The following GAS2 variants were observed in gnomAD, a reference collection of about 807,000 sequenced individuals.
GAS2 encodes the protein growth arrest specific 2, also known as growth arrest-specific protein 2.
Under a neutral mutation model 37.5 loss-of-function variants are expected in GAS2, and 20 were observed. The ratio of observed to expected loss-of-function variants is 0.53; its 90% confidence interval spans 0.37 to 0.77. The LOEUF (loss-of-function observed/expected upper bound fraction) is 0.77, where lower values mean the gene tolerates loss of function less well. Ranked by LOEUF, GAS2 falls within the 30% of genes least tolerant of loss-of-function variation. The pLI, the probability that GAS2 is intolerant of heterozygous loss-of-function variation, is 0.00. For missense variants in GAS2, 336 were observed against 373.4 expected (o/e 0.90, Z 0.82); for synonymous variants, 144 against 132.2 (o/e 1.09, Z -0.61).
At position 22,735,818 on chromosome 11, in the gene GAS2, T is replaced by C. The variant is rs910736561; in HGVS notation, c.410-1887T>C. On this transcript the variant is annotated intron_variant, in intron 4 of 7. Coordinates refer to ENST00000454584, the MANE Select transcript of GAS2 (RefSeq NM_001143830.3). ...TCAGTTAACTAATAGTTTTTATATT[T>C]TGACACTCTTGTCATCAAGAAATGC... is the stretch of plus-strand genomic sequence containing the variant. Among the ~76,000 whole-genome samples the C allele has an allele frequency of 5.9e-5, 9 of 152,004 alleles. No individual in the cohort carries two copies. The East Asian group carries it at 1.7e-3, about 29-fold the overall frequency.
intron 3 of GAS2, among the ~76,000 whole-genome samples, chr11:22,713,821 A>G (rs984639700): frequency 2.0e-5 from 3 of 152,154 alleles, no homozygotes; most frequent in African/African-American, 7.2e-5. Context: ...ATTCACCACT[A>G]CCAAGCCAGC....
At chr11:22,803,146 G>C (rs111411393) in intron 7 of GAS2, among the ~76,000 whole-genome samples, 23 of 152,164 alleles carry the variant, frequency 1.5e-4, no homozygotes, top group African/African-American at 5.1e-4. Flanking sequence ...CTACCTTTTA[G>C]AATGAAGAAC....
chr11:22,683,189 A>G (rs1849779371), intron 2 of GAS2, among the ~76,000 whole-genome samples: 1 of 152,122 alleles, frequency 6.6e-6, no homozygotes, highest in Non-Finnish European at 1.5e-5. Flanking sequence ...TTTTAAGCAG[A>G]TGTTTCTTGA....
intron 7 of GAS2, among the ~76,000 whole-genome samples, chr11:22,800,682 TC>T (rs1856623890): frequency 6.6e-6 from 1 of 152,070 alleles, no homozygotes; most frequent in African/African-American, 2.4e-5. Context: ...GTCACTGTCA[TC>T]CTGAGAGGGC....
chr11:22,692,205 G>A (rs72986053), intron 3 of GAS2, among the ~76,000 whole-genome samples: 5,769 of 152,254 alleles, frequency 0.038, 219 homozygotes, highest in East Asian at 0.2. Context: ...GGGCAAGATA[G>A]GGAGTGAGTG....
At chr11:22,738,412 G>T (rs1334747376) in intron 5 of GAS2, among the ~76,000 whole-genome samples, 11 of 152,162 alleles carry the variant, frequency 7.2e-5, no homozygotes, top group Admixed American at 5.2e-4. Flanking sequence ...ACTTGCTTTG[G>T]TTACCTGTTT....
chr11:22,807,994 T>A (rs1426523014), intron 7 of GAS2, among the ~76,000 whole-genome samples: 1 of 152,132 alleles, frequency 6.6e-6, no homozygotes, highest in Non-Finnish European at 1.5e-5. Context: ...TTTCTCAAAT[T>A]TTAAGACTGG....
chr11:22,708,307 A>T (rs1050468385), intron 3 of GAS2, among the ~76,000 whole-genome samples: 1 of 152,138 alleles, frequency 6.6e-6, no homozygotes, highest in African/African-American at 2.4e-5. Context: ...GATTATTAAA[A>T]TCCCCAAATT....
chr11:22,642,564 G>GAT lies in GAS2; in HGVS notation c.-21+16752_-21+16753insTA, dbSNP rs201656307. Among the ~76,000 whole-genome samples, 273 of 152,206 alleles carry GAT rather than the reference G, an allele frequency of 1.8e-3. 2 individuals are homozygous for GAT. Among genetic ancestry groups the GAT allele is most frequent in the African/African-American group, 6.4e-3 (266 of 41,542 alleles). On this transcript the variant is annotated intron_variant, in intron 1 of 5. Coordinates refer to the GAS2 transcript ENST00000528582. ...AGGGCCCCTGGATAAGAAAATTATA[G>GAT]AATGTAATAGATAATTAGTGGATAA...
chr11:22,744,167 A>C (rs571421464), intron 5 of GAS2, among the ~76,000 whole-genome samples: 47 of 152,164 alleles, frequency 3.1e-4, no homozygotes, highest in South Asian at 8.3e-4. Context: ...ACCACCACCA[A>C]CAACAAAAAA....
intron 3 of GAS2, among the ~76,000 whole-genome samples, chr11:22,710,739 T>C (rs1851363971): frequency 1.3e-5 from 2 of 152,322 alleles, no homozygotes; most frequent in South Asian, 4.1e-4. Context: ...ATTTTGTATG[T>C]CACTTTTTCT....
intron 3 of GAS2, among the ~76,000 whole-genome samples, chr11:22,724,676 T>G (rs552001847): frequency 1.3e-5 from 2 of 152,214 alleles, no homozygotes; most frequent in Admixed American, 1.3e-4. Flanking sequence ...TTTATATAGC[T>G]ATAGTGCCTG....
chr11:22,750,794 T>A (rs986403103), intron 6 of GAS2, among the ~76,000 whole-genome samples: 18 of 151,988 alleles, frequency 1.2e-4, no homozygotes, highest in African/African-American at 4.1e-4. Context: ...TAAATATATT[T>A]CCCTGGGGCA....
chr11:22,659,715 A>T (rs931385738), intron 1 of GAS2, among the ~76,000 whole-genome samples: 1 of 152,166 alleles, frequency 6.6e-6, no homozygotes, highest in African/African-American at 2.4e-5. Flanking sequence ...TAATTTTATT[A>T]TCACATTTTA....
chr11:22,773,440 CTT>C, intron 7 of GAS2, among the ~76,000 whole-genome samples: 1 of 123,624 alleles, frequency 8.1e-6, no homozygotes, highest in East Asian at 2.5e-4. Context: ...GTTGCCCAGT[CTT>C]GAGTGCAGTG....
chr11:22,653,119 CCCT>C (rs1430084175), intron 1 of GAS2, among the ~76,000 whole-genome samples: 1 of 150,796 alleles, frequency 6.6e-6, no homozygotes, highest in Non-Finnish European at 1.5e-5. Context: ...CTTCCTTCCT[CCCT>C]CCTTTCTTGC....
intron 3 of GAS2, among the ~76,000 whole-genome samples, chr11:22,694,042 C>T (rs533409061): frequency 1.3e-5 from 2 of 152,176 alleles, no homozygotes; most frequent in African/African-American, 4.8e-5. Flanking sequence ...GGGAGAGGAT[C>T]AGGAAAAATA....
chr11:22,653,342 A>T (rs1240248461), intron 1 of GAS2, among the ~76,000 whole-genome samples: 2 of 152,186 alleles, frequency 1.3e-5, no homozygotes, highest in Non-Finnish European at 2.9e-5. Context: ...ACTTTTTATT[A>T]GATAATTACA....
At chr11:22,720,710 A>G (rs540485026) in intron 3 of GAS2, among the ~76,000 whole-genome samples, 1 of 152,132 alleles carries the variant, frequency 6.6e-6, no homozygotes, top group South Asian at 2.1e-4. Flanking sequence ...GTCTTCATTT[A>G]TGTATCTCTT....
Sources: allele counts gnomAD v4.1 joint callset (sites outside exome capture counted in the v4.1 genomes callset), GRCh38; gene constraint gnomAD v4.1.1; transcripts MANE v1.5; gene names NCBI Gene and HGNC (gene_info 2026-07-23, HGNC 2026-07-21).